Variants in SLC25A43 observed in about 807,000 individuals in gnomAD.
SLC25A43 encodes the protein solute carrier family 25, member 43.
Under a neutral mutation model 22.8 loss-of-function variants are expected in SLC25A43, and 10 were observed. The observed-to-expected ratio is 0.44, with a 90% confidence interval of 0.27 to 0.74. The LOEUF is 0.74. Ranked by LOEUF, SLC25A43 falls within the 30% of genes least tolerant of loss-of-function variation. The pLI, the probability that SLC25A43 is intolerant of heterozygous loss-of-function variation, is 0.17. For synonymous variants in SLC25A43, 106 were observed against 121.6 expected, an observed-to-expected ratio of 0.87 and a Z score of 0.84; for missense variants, 233 against 279.1, an observed-to-expected ratio of 0.83 and a Z score of 1.18.
At chrX:119,410,024 C>T (rs2052335373) in intron 2 of SLC25A43, among the ~76,000 whole-genome samples, 166 bp from the exon 3 acceptor site, 1 of 112,014 alleles carries the variant, frequency 8.9e-6, no homozygotes, top group African/African-American at 3.2e-5. Context: ...AAATATAGCA[C>T]ATTATCGCAC....
At chrX:119,402,438 G>A (rs907025801) in intron 1 of SLC25A43, among the ~76,000 whole-genome samples, 2 of 111,611 alleles carry the variant, frequency 1.8e-5, no homozygotes, top group East Asian at 2.8e-4. Flanking sequence ...AGACCCCCCC[G>A]CCCTGGAACT....
At chrX:119,419,801 G>A (rs1482899441) in intron 3 of SLC25A43, among the ~76,000 whole-genome samples, 2 of 111,437 alleles carry the variant, frequency 1.8e-5, no homozygotes, top group South Asian at 7.6e-4. Context: ...CACAACTTGT[G>A]TTTGACTCTT....
intron 3 of SLC25A43, 66 bp from the exon 4 acceptor site, chrX:119,451,943 C>T (rs919611623): frequency 5.0e-6 from 6 of 1,201,838 alleles, no homozygotes; most frequent in South Asian, 1.8e-5. Context: ...GACCCTGGCT[C>T]CTTCCACTAG....
At chrX:119,412,066 C>A (rs1361123446) in intron 3 of SLC25A43, among the ~76,000 whole-genome samples, 1 of 110,839 alleles carries the variant, frequency 9.0e-6, no homozygotes, top group Non-Finnish European at 1.9e-5. Context: ...TCTAACTTGT[C>A]CTCGCTTGCT....
chrX:119,410,888 C>CAAAAAAAAGAAAAAAA (rs201479452), intron 3 of SLC25A43, among the ~76,000 whole-genome samples: 2 of 106,230 alleles, frequency 1.9e-5, no homozygotes, highest in African/African-American at 6.9e-5. Flanking sequence ...GACTATGTCT[C>CAAAAAAAAGAAAAAAA]AAAAAAAAGA....
chrX:119,413,724 A>G (rs1390938874), intron 3 of SLC25A43, among the ~76,000 whole-genome samples: 1 of 110,049 alleles, frequency 9.1e-6, no homozygotes, highest in Non-Finnish European at 1.9e-5. Flanking sequence ...AAAAAAAAAA[A>G]TTAGTATCCT....
rs1054627556 is a variant in SLC25A43, at chrX:119,453,242, C to G, written c.*177C>G. On this transcript the variant is annotated 3_prime_UTR_variant, in exon 5 of 5. Transcript: ENST00000217909. ...CTCCAAACTGATGTCCCTGTGAACA[C>G]CTGCACTATGAGAAGGTTTCCCAAC... The G allele has an allele frequency of 2.7e-5, 12 of 445,341 alleles. No individual in the cohort carries two copies. The highest frequency in any genetic ancestry group is 4.7e-5 in the Non-Finnish European group (12 of 255,894). 36.7% of individuals were successfully genotyped at this position (445,341 alleles called of 1,213,427 possible). A position where few individuals can be genotyped will look rare whatever the true frequency, so the allele number is the denominator to read the frequency against.
intron 3 of SLC25A43, among the ~76,000 whole-genome samples, chrX:119,417,060 C>T (rs903377404): frequency 1.8e-5 from 2 of 111,341 alleles, no homozygotes; most frequent in Non-Finnish European, 3.8e-5. Context: ...TAGCTTCCTC[C>T]CCATAGTGGG....
intron 3 of SLC25A43, chrX:119,426,401 G>C (rs182598227): frequency 2.2e-5 from 4 of 179,516 alleles, no homozygotes; most frequent in African/African-American, 3.1e-5. Context: ...GACTAAATTC[G>C]TTTAGTGCAA....
chrX:119,420,848 T>C (rs975683807), intron 3 of SLC25A43, among the ~76,000 whole-genome samples: 1 of 112,214 alleles, frequency 8.9e-6, no homozygotes, highest in Non-Finnish European at 1.9e-5. Context: ...GGCCCACGTC[T>C]GTAATCCCAC....
intron 3 of SLC25A43, among the ~76,000 whole-genome samples, chrX:119,415,172 C>T (rs1338550062): frequency 9.1e-6 from 1 of 109,885 alleles, no homozygotes; most frequent in African/African-American, 3.3e-5. Flanking sequence ...ATCCGCCTGC[C>T]TTGGCCTCCC....
At position 119,399,563 on chromosome X, in the gene SLC25A43, G is replaced by A; in HGVS notation, c.160G>A (p.Ala54Thr). ...VVRGHARGPWATGHRVWRAEG... is the reference protein window; with the variant it reads ...VVRGHARGPWTTGHRVWRAEG... ...GCGAGGCCACGCCCGGGGACCGTGGGCCACAGGGCACCGGGTGTGGCGGGC... is the reference window on the plus strand; with the variant it reads ...GCGAGGCCACGCCCGGGGACCGTGGACCACAGGGCACCGGGTGTGGCGGGC... Residue 54 changes from alanine to threonine, a missense_variant, in exon 1 of 5, where the codon GCC (alanine) becomes ACC (threonine). By Grantham distance (58) the Ala-to-Thr change is moderately conservative. Transcript: ENST00000217909. 1 of 1,056,210 alleles carries A rather than the reference G, an allele frequency of 9.5e-7. No homozygotes were observed. The highest frequency in any genetic ancestry group is 1.2e-6 in the Non-Finnish European group (1 of 822,777). The allele number at this position is 1,056,210 out of a possible 1,213,427, so 87.0% of individuals were successfully genotyped here.
intron 3 of SLC25A43, among the ~76,000 whole-genome samples, chrX:119,431,524 A>G (rs1345818763): frequency 9.0e-6 from 1 of 110,795 alleles, no homozygotes; most frequent in Non-Finnish European, 1.9e-5. Context: ...CAGAAAAAAA[A>G]AAAAGAAAAG....
chrX:119,450,140 A>G (rs1439939854), intron 3 of SLC25A43, among the ~76,000 whole-genome samples: 1 of 111,431 alleles, frequency 9.0e-6, no homozygotes. Context: ...AGCCAAAGAT[A>G]AAGATTTGGG....
chrX:119,401,512 A>G (rs1395574266), intron 1 of SLC25A43, among the ~76,000 whole-genome samples: 1 of 110,993 alleles, frequency 9.0e-6, no homozygotes, highest in Non-Finnish European at 1.9e-5. Flanking sequence ...AGGAGAAAAA[A>G]ATTTGAGTTT....
At chrX:119,443,722 T>TATTTA (rs1339316228) in intron 3 of SLC25A43, among the ~76,000 whole-genome samples, 1 of 106,764 alleles carries the variant, frequency 9.4e-6, no homozygotes, top group African/African-American at 3.4e-5. Context: ...GAGAATTATT[T>TATTTA]TTTATTTATT....
At chrX:119,431,209 G>T (rs888541688) in intron 3 of SLC25A43, among the ~76,000 whole-genome samples, 19 of 112,266 alleles carry the variant, frequency 1.7e-4, no homozygotes, top group African/African-American at 5.8e-4. Context: ...AGGATTAAAT[G>T]AGATAGTATA....
chrX:119,412,090 C>G (rs1011357764), intron 3 of SLC25A43, among the ~76,000 whole-genome samples: 2 of 110,965 alleles, frequency 1.8e-5, no homozygotes, highest in Admixed American at 9.6e-5. Context: ...TGTCCCTCCC[C>G]GCTCCCGCTT....
At chrX:119,406,407 T>G (rs2052296660) in intron 1 of SLC25A43, 53 bp from the exon 2 acceptor site, 2 of 1,192,114 alleles carry the variant, frequency 1.7e-6, no homozygotes, top group Non-Finnish European at 2.3e-6. Context: ...TGGAGAGAAC[T>G]CTAGCACAAT....
Sources: allele counts gnomAD v4.1 joint callset (sites outside exome capture counted in the v4.1 genomes callset), GRCh38; gene constraint gnomAD v4.1.1; transcripts MANE v1.5; gene names NCBI Gene and HGNC (gene_info 2026-07-23, HGNC 2026-07-21).